IGSF11: variants seen among roughly 807,000 people sequenced by gnomAD.
IGSF11 encodes the protein CXADR like 1.
A neutral mutation model predicts 41.0 loss-of-function variants in IGSF11; 22 were observed. That is an observed-to-expected ratio of 0.54 (90% CI 0.38 to 0.77). The LOEUF (loss-of-function observed/expected upper bound fraction) is 0.77. IGSF11 is among the 30% of genes least tolerant of loss of function. The pLI is 0.00. For synonymous variants in IGSF11, 219 were observed against 201.3 expected, an observed-to-expected ratio of 1.09 and a Z score of -0.74; for missense variants, 444 against 530.8, an observed-to-expected ratio of 0.84 and a Z score of 1.61.
chr3:118,902,814 T>C lies in IGSF11; in HGVS notation c.1002A>G (p.Ser334=). The C allele has an allele frequency of 6.2e-7, 1 of 1,614,210 alleles. No homozygotes were observed. The highest frequency in any genetic ancestry group is 8.5e-7 in the Non-Finnish European group (1 of 1,180,012). Residue 334 remains serine, a synonymous_variant, in exon 7 of 7, where the codon TCA becomes TCG. Coordinates refer to ENST00000393775, the MANE Select transcript of IGSF11 (RefSeq NM_001015887.3). The stretch of plus-strand genomic sequence containing the variant: ...GGCCCAAGTCACTGAAGTGGCTGAC[T>C]GACTCTGTGTTTCTATGAACTTTTG... The part of the protein sequence containing the change: ...NNPKVHRNTE[S]VSHFSDLGQS...
At chr3:118,929,456 G>A (rs1942645003) in intron 2 of IGSF11, among the ~76,000 whole-genome samples, 1 of 152,126 alleles carries the variant, frequency 6.6e-6, no homozygotes, top group Non-Finnish European at 1.5e-5. Context: ...ATATTTTGAG[G>A]TAATAATAAT....
intron 1 of IGSF11, among the ~76,000 whole-genome samples, chr3:119,049,903 A>G (rs917225103): frequency 1.4e-5 from 2 of 147,778 alleles, no homozygotes; most frequent in Non-Finnish European, 3.0e-5. Context: ...TGGGGAAAGG[A>G]TTCCCTATTT....
At chr3:118,907,975 T>C (rs1003763085) in intron 4 of IGSF11, among the ~76,000 whole-genome samples, 5 of 152,184 alleles carry the variant, frequency 3.3e-5, no homozygotes, top group African/African-American at 1.2e-4. Flanking sequence ...ACTAATATCA[T>C]CAACGCAAGA....
intron 1 of IGSF11, among the ~76,000 whole-genome samples, chr3:119,080,897 T>G (rs2076575890): frequency 3.3e-5 from 5 of 152,146 alleles, no homozygotes; most frequent in Admixed American, 3.3e-4. Flanking sequence ...AATCAAAAAA[T>G]CTATTAATAT....
rs925853677 is a variant in IGSF11 at position 119,034,803 on chromosome 3, G to A, written c.-221C>T. 1.6e-6 allele frequency: 2 copies of A among 1,261,276 alleles called. No individual in the cohort carries two copies. Among genetic ancestry groups the A allele is most frequent in the Non-Finnish European group, 2.0e-6 (2 of 1,003,002 alleles). 78.1% of individuals were successfully genotyped at this position (1,261,276 alleles called of 1,614,324 possible). Reference sequence around the variant, plus strand: ...CGGACGCTGAGCTGTGACCAGAGGCGTTCCGGGCTCGCCAGCCGTGCCACC... The same window carrying A: ...CGGACGCTGAGCTGTGACCAGAGGCATTCCGGGCTCGCCAGCCGTGCCACC... On this transcript the variant is annotated 5_prime_UTR_variant, in exon 1 of 7. The change creates a new upstream start codon in the 5' untranslated region. Transcript: ENST00000393775.
At chr3:119,035,392 CCTTT>C (rs1342051711), upstream of IGSF11, among the ~76,000 whole-genome samples, 2 of 152,186 alleles carry the variant, frequency 1.3e-5, no homozygotes, top group Non-Finnish European at 2.9e-5. Context: ...TGCCTTTTCA[CCTTT>C]CTTCCTTGAA....
chr3:119,063,977 A>C (rs1458218291), intron 1 of IGSF11, among the ~76,000 whole-genome samples: 1 of 152,186 alleles, frequency 6.6e-6, no homozygotes. Flanking sequence ...AGGCCAAAAG[A>C]TGGTCTCATG....
At chr3:119,094,622 C>T (rs974119292) in intron 1 of IGSF11, among the ~76,000 whole-genome samples, 4 of 150,182 alleles carry the variant, frequency 2.7e-5, no homozygotes, top group Non-Finnish European at 5.9e-5. Flanking sequence ...AATATCTACA[C>T]CAAAGTAGGG....
At chr3:119,049,472 C>G (rs897696872) in intron 1 of IGSF11, among the ~76,000 whole-genome samples, 5 of 152,154 alleles carry the variant, frequency 3.3e-5, no homozygotes, top group African/African-American at 1.2e-4. Context: ...AGGAGAACTA[C>G]AAACCGCTGT....
chr3:119,120,624 A>G (rs537604579), intron 1 of IGSF11, among the ~76,000 whole-genome samples: 2 of 152,346 alleles, frequency 1.3e-5, no homozygotes, highest in Non-Finnish European at 2.9e-5. Context: ...TGCCATTTAC[A>G]TAGCCCGTGA....
chr3:119,047,420 A>G (rs1224651604), intron 1 of IGSF11, among the ~76,000 whole-genome samples: 1 of 152,220 alleles, frequency 6.6e-6, no homozygotes, highest in Non-Finnish European at 1.5e-5. Flanking sequence ...ATAATGGTAA[A>G]GGGATCAATT....
intron 1 of IGSF11, among the ~76,000 whole-genome samples, chr3:119,087,801 A>G (rs2076700989): frequency 6.6e-6 from 1 of 152,122 alleles, no homozygotes; most frequent in South Asian, 2.1e-4. Context: ...TTTAATAATA[A>G]ATAAGGAAAA....
chr3:119,003,575 T>A (rs1165998875), intron 1 of IGSF11, among the ~76,000 whole-genome samples: 1 of 151,348 alleles, frequency 6.6e-6, no homozygotes, highest in Middle Eastern at 3.4e-3. Context: ...TTTTTGCCCA[T>A]TCAGTATGAT....
chr3:118,953,327 T>G (rs1029342892), intron 1 of IGSF11, among the ~76,000 whole-genome samples: 21 of 152,244 alleles, frequency 1.4e-4, no homozygotes, highest in African/African-American at 5.1e-4. Flanking sequence ...TTCCATATAT[T>G]TGCAATTACA....
chr3:118,909,695 C>G (rs540658452), intron 4 of IGSF11, among the ~76,000 whole-genome samples: 2 of 152,170 alleles, frequency 1.3e-5, no homozygotes, highest in African/African-American at 4.8e-5. Context: ...CAGCTCAGTG[C>G]CTTTAGACAA....
chr3:119,004,762 G>C (rs892698568), intron 1 of IGSF11, among the ~76,000 whole-genome samples: 5 of 150,206 alleles, frequency 3.3e-5, no homozygotes, highest in Admixed American at 3.3e-4. Flanking sequence ...TTTCCATGTA[G>C]TTGAGCGGCT....
At chr3:119,003,644 C>T (rs1576611696) in intron 1 of IGSF11, among the ~76,000 whole-genome samples, 1 of 151,706 alleles carries the variant, frequency 6.6e-6, no homozygotes, top group East Asian at 1.9e-4. Flanking sequence ...CCCATCAATA[C>T]TTAATTTATT....
At chr3:119,139,162 AT>A (rs1353817763) in intron 1 of IGSF11, among the ~76,000 whole-genome samples, 1 of 152,138 alleles carries the variant, frequency 6.6e-6, no homozygotes, top group East Asian at 1.9e-4. Context: ...TAACCAAAAA[AT>A]ATATATAAAT....
intron 1 of IGSF11, among the ~76,000 whole-genome samples, chr3:118,985,995 G>T (rs1405739027): frequency 6.6e-6 from 1 of 152,150 alleles, no homozygotes; most frequent in East Asian, 1.9e-4. Context: ...CCATGGGCTG[G>T]CCATTAACAG....
Sources: allele counts gnomAD v4.1 joint callset (sites outside exome capture counted in the v4.1 genomes callset), GRCh38; gene constraint gnomAD v4.1.1; transcripts MANE v1.5; gene names NCBI Gene and HGNC (gene_info 2026-07-23, HGNC 2026-07-21).